Variants in BIN3 observed in about 807,000 individuals in gnomAD.
The protein encoded by BIN3 is bridging integrator 3.
In BIN3, 41 loss-of-function variants were observed where a neutral mutation model predicts 38.2. The observed-to-expected ratio is 1.07, with a 90% CI of 0.84 to 1.39. The LOEUF is 1.39. Ranked by LOEUF, BIN3 falls within the 40% of genes most tolerant of loss-of-function variation. The pLI, the probability that BIN3 is intolerant of heterozygous loss-of-function variation, is 0.00. For missense variants in BIN3, 361 were observed against 324.3 expected (o/e 1.11, Z -0.87); for synonymous variants, 145 against 122.6 (o/e 1.18, Z -1.21).
At chr8:22,628,462 A>C (rs1802074689) in intron 6 of BIN3, among the ~76,000 whole-genome samples, 1 of 152,302 alleles carries the variant, frequency 6.6e-6, no homozygotes, top group South Asian at 2.1e-4. Context: ...GGGAGAAGCC[A>C]GCCAGGCAGG....
chr8:22,651,975 C>T (rs369875056), intron 1 of BIN3, among the ~76,000 whole-genome samples: 6 of 148,072 alleles, frequency 4.1e-5, no homozygotes, highest in South Asian at 2.2e-4. Flanking sequence ...CATCTTCTAA[C>T]GCTTCTACCA....
intron 1 of BIN3, chr8:22,645,016 T>C (rs1363868899): frequency 2.0e-6 from 1 of 511,560 alleles, no homozygotes; most frequent in Non-Finnish European, 3.6e-6. Flanking sequence ...CAGTGTCAGA[T>C]GCAGGTTGCT....
intron 1 of BIN3, among the ~76,000 whole-genome samples, chr8:22,649,857 AC>A (rs765863433): frequency 8.0e-6 from 1 of 125,088 alleles, no homozygotes; most frequent in Non-Finnish European, 1.6e-5. Flanking sequence ...ACACACACAC[AC>A]CCCCAAAGGA....
At chr8:22,621,608 G>A (rs1262818180) in intron 8 of BIN3, 40 bp from the exon 9 acceptor site, 1 of 1,599,696 alleles carries the variant, frequency 6.3e-7, no homozygotes, top group Non-Finnish European at 8.6e-7. Flanking sequence ...CTGGCTCCAG[G>A]GAACCGTGTG....
intron 2 of BIN3, among the ~76,000 whole-genome samples, chr8:22,638,425 A>G (rs1276398285): frequency 6.6e-6 from 1 of 152,226 alleles, no homozygotes; most frequent in Non-Finnish European, 1.5e-5. Flanking sequence ...TTTGTTTCAA[A>G]TTTAAACAAC....
intron 1 of BIN3, among the ~76,000 whole-genome samples, chr8:22,648,355 C>A (rs1449489554): frequency 6.6e-6 from 1 of 152,102 alleles, no homozygotes; most frequent in African/African-American, 2.4e-5. Context: ...CAGGTCCCCA[C>A]GTCACCTTCA....
At chr8:22,625,645 T>C (rs528178516) in intron 6 of BIN3, 2 of 514,894 alleles carry the variant, frequency 3.9e-6, no homozygotes, top group East Asian at 3.4e-5. Context: ...TGGAGTACAG[T>C]GGTATGATCT....
intron 1 of BIN3, among the ~76,000 whole-genome samples, chr8:22,662,147 GGCT>G (rs1056524402): frequency 2.0e-5 from 3 of 152,174 alleles, no homozygotes; most frequent in African/African-American, 7.2e-5. Flanking sequence ...ATTCTCCAGA[GGCT>G]GGGCATCTGC....
chr8:22,669,084 C>G lies in BIN3; in HGVS notation c.-33G>C. The G allele has an allele frequency of 6.3e-7, 1 of 1,589,612 alleles. No homozygotes were observed. Among genetic ancestry groups the G allele is most frequent in the East Asian group, 2.3e-5 (1 of 43,456 alleles). ...AACCTGCGTCTGCCGCCGGGGTCCT[C>G]AGCCACAACTCGTTTCTCTAGGGTC... On this transcript the variant is annotated 5_prime_UTR_variant, in exon 1 of 9. Coordinates refer to ENST00000276416, the MANE Select transcript of BIN3 (RefSeq NM_018688.6).
intron 1 of BIN3, among the ~76,000 whole-genome samples, chr8:22,646,293 C>T (rs964602753): frequency 1.3e-5 from 2 of 152,184 alleles, no homozygotes; most frequent in Non-Finnish European, 2.9e-5. Context: ...CGGCAGAGGG[C>T]TCTCAGCCAG....
At chr8:22,644,122 C>T (rs1454919495) in intron 2 of BIN3, among the ~76,000 whole-genome samples, 2 of 152,240 alleles carry the variant, frequency 1.3e-5, no homozygotes, top group African/African-American at 4.8e-5. Context: ...CAGGAAAAAT[C>T]AGGAGGTTGG....
intron 1 of BIN3, among the ~76,000 whole-genome samples, chr8:22,648,941 A>ATGT (rs1563972654): frequency 2.7e-5 from 4 of 149,662 alleles, no homozygotes; most frequent in East Asian, 2.0e-4. Flanking sequence ...GTATGTATGT[A>ATGT]AGTGTGTGTG....
intron 1 of BIN3, among the ~76,000 whole-genome samples, chr8:22,648,825 C>G (rs1197963580): frequency 6.6e-6 from 1 of 152,150 alleles, no homozygotes; most frequent in African/African-American, 2.4e-5. Flanking sequence ...GATGCTCAAA[C>G]TGTTCCAGCT....
intron 5 of BIN3, 114 bp from the exon 6 acceptor site, chr8:22,630,118 T>C: frequency 8.4e-7 from 1 of 1,191,204 alleles, no homozygotes; most frequent in Non-Finnish European, 1.2e-6. Flanking sequence ...CAGGGTGCTG[T>C]CCTTGTCCTG....
chr8:22,659,580 C>A lies in BIN3; in HGVS notation c.8+9464G>T, dbSNP rs1188253234. On this transcript the variant is annotated intron_variant, in intron 1 of 8. Coordinates refer to ENST00000276416, the MANE Select transcript of BIN3 (RefSeq NM_018688.6). Reference sequence around the variant, plus strand: ...ACCACTTATTGAGCATCTACTATTGCCAGACTCTGCACAGGCACTGCTGAT... The same window carrying A: ...ACCACTTATTGAGCATCTACTATTGACAGACTCTGCACAGGCACTGCTGAT... Among the ~76,000 whole-genome samples the A allele has an allele frequency of 2.0e-5, 3 of 152,210 alleles. No homozygotes were observed. In the East Asian group the frequency reaches 5.8e-4, roughly 29 times the overall value.
At chr8:22,642,508 T>C (rs576059573) in intron 2 of BIN3, among the ~76,000 whole-genome samples, 7 of 152,318 alleles carry the variant, frequency 4.6e-5, no homozygotes, top group African/African-American at 1.2e-4. Flanking sequence ...TTTTGTTGCG[T>C]TGGGAAATCT....
intron 2 of BIN3, among the ~76,000 whole-genome samples, chr8:22,640,291 C>T (rs954235198): frequency 6.6e-6 from 1 of 152,078 alleles, no homozygotes; most frequent in African/African-American, 2.4e-5. Flanking sequence ...AATTCTCATG[C>T]CTCAGCCTCC....
intron 1 of BIN3, among the ~76,000 whole-genome samples, chr8:22,646,712 G>GA (rs1426410085): frequency 1.3e-5 from 2 of 152,168 alleles, no homozygotes; most frequent in African/African-American, 4.8e-5. Flanking sequence ...GAAAAGGAAA[G>GA]AAAAAATGAA....
chr8:22,628,403 C>T (rs913528431), intron 6 of BIN3, among the ~76,000 whole-genome samples: 5 of 152,120 alleles, frequency 3.3e-5, no homozygotes, highest in South Asian at 2.1e-4. Context: ...CTGTAGGCTG[C>T]GCGGTTTTAT....
Sources: gnomAD v4.1 joint callset for allele counts (sites outside exome capture counted in the v4.1 genomes callset) on GRCh38, gnomAD v4.1.1 for gene constraint, MANE v1.5 for transcripts, NCBI Gene and HGNC (gene_info 2026-07-23, HGNC 2026-07-21) for gene names.